Variants in PTPRK observed in about 807,000 individuals in gnomAD.
PTPRK encodes protein tyrosine phosphatase receptor type K, also known as receptor-type tyrosine-protein phosphatase kappa.
Under a neutral mutation model 178.0 loss-of-function variants are expected in PTPRK, and 75 were observed. The observed-to-expected ratio is 0.42, with a 90% CI of 0.35 to 0.51. PTPRK has a LOEUF of 0.51. PTPRK is among the 20% of genes least tolerant of loss of function. The pLI, the probability that PTPRK is intolerant of heterozygous loss-of-function variation, is 0.02. For missense variants in PTPRK, 1,441 were observed against 1,797.8 expected (o/e 0.80, Z 3.59); for synonymous variants, 637 against 620.6 (o/e 1.03, Z -0.39).
chr6:128,459,094 T>C (rs1446092680), intron 1 of PTPRK, among the ~76,000 whole-genome samples: 1 of 152,162 alleles, frequency 6.6e-6, no homozygotes, highest in Non-Finnish European at 1.5e-5. Flanking sequence ...AAAAGATTAA[T>C]GGTAAATGTG....
intron 1 of PTPRK, among the ~76,000 whole-genome samples, chr6:128,454,766 G>A (rs1262229299): frequency 6.6e-6 from 1 of 152,044 alleles, no homozygotes; most frequent in African/African-American, 2.4e-5. Context: ...CTGTCTGAAG[G>A]AAATCCTTGA....
At chr6:128,452,158 C>T (rs1847874003) in intron 1 of PTPRK, among the ~76,000 whole-genome samples, 1 of 152,196 alleles carries the variant, frequency 6.6e-6, no homozygotes, top group African/African-American at 2.4e-5. Flanking sequence ...ATGCTTCTTA[C>T]AGTTCTAGTG....
At chr6:128,307,918 C>T (rs1490803806) in intron 3 of PTPRK, among the ~76,000 whole-genome samples, 1 of 152,210 alleles carries the variant, frequency 6.6e-6, no homozygotes, top group Admixed American at 6.5e-5. Flanking sequence ...ACATAAACCA[C>T]ATGACTTAGC....
chr6:128,081,894 G>A (rs1038903172), intron 10 of PTPRK, among the ~76,000 whole-genome samples: 2 of 151,952 alleles, frequency 1.3e-5, no homozygotes, highest in African/African-American at 4.8e-5. Context: ...AGAATGTAAA[G>A]TTTAATTTCT....
At position 128,402,928 on chromosome 6, in the gene PTPRK, A is replaced by G. The variant is rs192227467; in HGVS notation, c.101-5240T>C. 8.2e-3 allele frequency among the ~76,000 whole-genome samples: 1,254 copies of G among 152,334 alleles called. 8 individuals carry two copies. Among genetic ancestry groups the G allele is most frequent in the Non-Finnish European group, 0.014 (968 of 68,026 alleles). ...AAATAATAATCACTTGAGATCCTGA[A>G]AGTATCCTTTGCCCTGCTTGTAGTT... On this transcript the variant is annotated intron_variant, in intron 1 of 29. Coordinates refer to ENST00000368226, the MANE Select transcript of PTPRK (RefSeq NM_002844.4).
At chr6:128,458,491 T>C (rs573952945) in intron 1 of PTPRK, among the ~76,000 whole-genome samples, 1 of 152,322 alleles carries the variant, frequency 6.6e-6, no homozygotes, top group South Asian at 2.1e-4. Context: ...ATTTGTATAA[T>C]ATGACTTGAA....
At position 128,082,654 on chromosome 6, in the gene PTPRK, C is replaced by T. The variant is rs745617274; in HGVS notation, c.1576-16G>A. On this transcript the variant is annotated splice_polypyrimidine_tract_variant and intron_variant, in intron 9 of 29. Coordinates refer to ENST00000368226, the MANE Select transcript of PTPRK (RefSeq NM_002844.4). ...TATAGCTGATCTGTTTTAAGAAATACATTTATTACATATCTAGTATCCATC... is the reference window on the plus strand; with the variant it reads ...TATAGCTGATCTGTTTTAAGAAATATATTTATTACATATCTAGTATCCATC... 5.2e-6 allele frequency: 8 copies of T among 1,536,582 alleles called. No homozygotes were observed. Among genetic ancestry groups the T allele is most frequent in the South Asian group, 1.2e-5 (1 of 85,782 alleles).
In PTPRK at chr6:128,245,864, G is replaced by A. The variant is rs140639691; in HGVS notation, c.496-3262C>T. 4.5e-3 allele frequency among the ~76,000 whole-genome samples: 684 copies of A among 152,144 alleles called. 4 individuals are homozygous for A. Among genetic ancestry groups the A allele is most frequent in the Middle Eastern group, 0.014 (4 of 292 alleles). On this transcript the variant is annotated intron_variant, in intron 3 of 29. Coordinates refer to ENST00000368226, the MANE Select transcript of PTPRK (RefSeq NM_002844.4). ...TCTGGTACAGACCACTTTCTCAGGG[G>A]TGAAAAAAACCCTGTATTATACTCC...
intron 1 of PTPRK, among the ~76,000 whole-genome samples, chr6:128,511,991 C>A (rs1037536192): frequency 6.6e-6 from 1 of 152,044 alleles, no homozygotes; most frequent in Non-Finnish European, 1.5e-5. Context: ...CTCTCTTCTC[C>A]AACATATAAG....
At chr6:128,280,344 G>C (rs1302287702) in intron 3 of PTPRK, among the ~76,000 whole-genome samples, 1 of 152,124 alleles carries the variant, frequency 6.6e-6, no homozygotes, top group African/African-American at 2.4e-5. Context: ...CTCAATGTCA[G>C]TGAATACATT....
At chr6:128,138,974 T>G (rs553290296) in intron 7 of PTPRK, among the ~76,000 whole-genome samples, 1 of 152,082 alleles carries the variant, frequency 6.6e-6, no homozygotes, top group Non-Finnish European at 1.5e-5. Context: ...TGAAGTATGG[T>G]GTATAGGCAA....
chr6:128,379,050 C>T (rs962946016), intron 2 of PTPRK, among the ~76,000 whole-genome samples: 3 of 152,030 alleles, frequency 2.0e-5, no homozygotes, highest in Non-Finnish European at 4.4e-5. Flanking sequence ...AATATAGTAC[C>T]TGATTATTTG....
chr6:128,189,150 C>G lies in PTPRK; in HGVS notation c.869-4425G>C, dbSNP rs372895032. On this transcript the variant is annotated intron_variant, in intron 6 of 29. Transcript: ENST00000368226. ...AAGCTTGTGAGCAGAAAACACTTCA[C>G]CTACAAAAGTTTCTGAGCTGGGTCC... Among the ~76,000 whole-genome samples the G allele has an allele frequency of 3.3e-3, 502 of 151,866 alleles. 2 individuals carry two copies. The highest frequency in any genetic ancestry group is 0.011 in the African/African-American group (471 of 41,430).
intron 7 of PTPRK, among the ~76,000 whole-genome samples, chr6:128,092,532 C>A (rs1787163102): frequency 6.6e-6 from 1 of 152,092 alleles, no homozygotes; most frequent in Admixed American, 6.5e-5. Context: ...TAGATACACA[C>A]ATATACATAT....
At chr6:128,094,146 G>T (rs1201410637) in intron 7 of PTPRK, among the ~76,000 whole-genome samples, 1 of 152,144 alleles carries the variant, frequency 6.6e-6, no homozygotes, top group East Asian at 1.9e-4. Flanking sequence ...GATAATACAG[G>T]AAAGGTTGGT....
intron 7 of PTPRK, among the ~76,000 whole-genome samples, chr6:128,135,719 T>C (rs944104836): frequency 3.9e-5 from 6 of 152,114 alleles, no homozygotes; most frequent in African/African-American, 1.4e-4. Flanking sequence ...CCATATGCTG[T>C]TGATTTATAA....
chr6:128,478,490 C>A (rs1341517044), intron 1 of PTPRK, among the ~76,000 whole-genome samples: 1 of 152,094 alleles, frequency 6.6e-6, no homozygotes, highest in Admixed American at 6.6e-5. Flanking sequence ...CCTAAAGTGA[C>A]CTTCATGCTG....
At chr6:128,219,185 T>C in intron 5 of PTPRK, 89 bp from the exon 6 acceptor site, 2 of 1,245,082 alleles carry the variant, frequency 1.6e-6, no homozygotes, top group Non-Finnish European at 2.2e-6. Flanking sequence ...TGTGATAAAT[T>C]ATTCTTGTTG....
chr6:128,438,924 G>C (rs919541835), intron 1 of PTPRK, among the ~76,000 whole-genome samples: 1 of 150,356 alleles, frequency 6.7e-6, no homozygotes, highest in Non-Finnish European at 1.5e-5. Flanking sequence ...CAGAAGTTTA[G>C]AGAAAAAAAA....
Sources: gnomAD v4.1 joint callset for allele counts (sites outside exome capture counted in the v4.1 genomes callset) on GRCh38, gnomAD v4.1.1 for gene constraint, MANE v1.5 for transcripts, NCBI Gene and HGNC (gene_info 2026-07-23, HGNC 2026-07-21) for gene names.